EYS: variants seen among roughly 807,000 people sequenced by gnomAD.
EYS encodes the protein EGF-like photoreceptor maintenance factor.
EYS carries 250 observed loss-of-function variants against 282.1 expected under a neutral mutation model. The ratio of observed to expected loss-of-function variants is 0.89; its 90% CI spans 0.80 to 0.98. The LOEUF (loss-of-function observed/expected upper bound fraction) is 0.98, where lower values mean the gene tolerates loss of function less well. Ranked by LOEUF, EYS falls within the 50% of genes least tolerant of loss-of-function variation. EYS has a pLI of 0.00. For missense variants in EYS, 4,016 were observed against 3,709.0 expected (o/e 1.08, Z -2.15); for synonymous variants, 1,355 against 1,282.9 (o/e 1.06, Z -1.20).
chr6:65,427,757 T>G (rs1767717135), intron 5 of EYS, among the ~76,000 whole-genome samples: 2 of 152,026 alleles, frequency 1.3e-5, no homozygotes, highest in Admixed American at 6.6e-5. Context: ...GCAAAAGAAA[T>G]TCATACAGAT....
In EYS at chr6:64,821,393, G is replaced by A. The variant is rs192875747; in HGVS notation, c.3243+252C>T. 4.9e-4 allele frequency among the ~76,000 whole-genome samples: 74 copies of A among 151,950 alleles called. No homozygotes were observed. In the East Asian group the frequency reaches 0.012, roughly 24 times the overall value. On this transcript the variant is annotated intron_variant, in intron 21 of 42. Coordinates refer to ENST00000503581, the MANE Select transcript of EYS (RefSeq NM_001142800.2). ...CTTCTAGGATTTAGTTTGGTGGGGC[G>A]GTCGGCGGGAGGGAGGAGAATCGTG... is the stretch of plus-strand genomic sequence containing the variant.
At chr6:65,583,874 T>C (rs967741732) in intron 2 of EYS, among the ~76,000 whole-genome samples, 2 of 152,078 alleles carry the variant, frequency 1.3e-5, no homozygotes, top group Non-Finnish European at 2.9e-5. Flanking sequence ...AATGTTAATA[T>C]GTTCATATTA....
At chr6:65,350,014 G>A (rs1770540486) in intron 9 of EYS, among the ~76,000 whole-genome samples, 1 of 151,248 alleles carries the variant, frequency 6.6e-6, no homozygotes, top group Non-Finnish European at 1.5e-5. Context: ...GTTTATTAAA[G>A]TTGTTTATTT....
chr6:64,014,907 A>C (rs573813754), intron 33 of EYS, among the ~76,000 whole-genome samples: 1 of 152,280 alleles, frequency 6.6e-6, no homozygotes, highest in South Asian at 2.1e-4. Context: ...AGAACAGTTA[A>C]AACCTTACCC....
At chr6:65,548,103 T>C (rs529667553) in intron 2 of EYS, among the ~76,000 whole-genome samples, 1 of 152,342 alleles carries the variant, frequency 6.6e-6, no homozygotes, top group East Asian at 1.9e-4. Flanking sequence ...AGTTTATTCT[T>C]AAATTATAAA....
At chr6:64,760,156 A>C (rs373494545) in intron 22 of EYS, among the ~76,000 whole-genome samples, 5 of 152,104 alleles carry the variant, frequency 3.3e-5, no homozygotes, top group Admixed American at 3.3e-4. Flanking sequence ...CTGTCTTCTC[A>C]CCCCAAATAG....
rs571836962 is a variant in EYS, at chr6:64,870,343, A to T, written c.2992+16354T>A. ...TTACTTGAGAAGAAGTTTACAACTT[A>T]GGGTGATCCTTGATACAGAGTCAGC... On this transcript the variant is annotated intron_variant, in intron 19 of 42. Transcript: ENST00000503581. 5.0e-4 allele frequency among the ~76,000 whole-genome samples: 76 copies of T among 151,604 alleles called. 1 individual carries two copies. The highest frequency in any genetic ancestry group is 1.8e-3 in the African/African-American group (73 of 41,454).
intron 2 of EYS, among the ~76,000 whole-genome samples, chr6:65,602,688 A>C (rs1317489238): frequency 6.6e-6 from 1 of 151,992 alleles, no homozygotes; most frequent in African/African-American, 2.4e-5. Context: ...GTTTGTGGTT[A>C]AGCAGGCAGT....
chr6:65,014,331 T>C (rs1266360519), intron 13 of EYS, among the ~76,000 whole-genome samples: 1 of 152,206 alleles, frequency 6.6e-6, no homozygotes, highest in Non-Finnish European at 1.5e-5. Flanking sequence ...CATTCACAGA[T>C]TTTTGACTTG....
intron 26 of EYS, among the ~76,000 whole-genome samples, chr6:64,462,557 T>C (rs1445096486): frequency 6.6e-6 from 1 of 152,108 alleles, no homozygotes; most frequent in African/African-American, 2.4e-5. Flanking sequence ...CTTCTAGTTA[T>C]CTAGTGTCGC....
At chr6:64,820,549 A>G (rs758168302) in intron 21 of EYS, among the ~76,000 whole-genome samples, 1 of 152,176 alleles carries the variant, frequency 6.6e-6, no homozygotes, top group Non-Finnish European at 1.5e-5. Context: ...TTCACTATCC[A>G]GAACAAAATA....
intron 12 of EYS, among the ~76,000 whole-genome samples, chr6:65,153,915 CATT>C (rs1764676185): frequency 6.6e-6 from 1 of 151,870 alleles, no homozygotes; most frequent in East Asian, 2.0e-4. Flanking sequence ...TTAATAGATA[CATT>C]ATTATCATCT....
intron 16 of EYS, among the ~76,000 whole-genome samples, chr6:64,903,616 T>A (rs938514746): frequency 1.3e-5 from 2 of 152,196 alleles, no homozygotes; most frequent in Admixed American, 6.6e-5. Context: ...GCGAGTGATA[T>A]AGCACAGCTT....
Position 64,519,233 on chromosome 6 carries a change from G to A in EYS, c.5644+70990C>T, listed in dbSNP as rs559762266. ...TTTAGAAGAGTAGAAAAGACCAGGA[G>A]AACGGCACCTGCGAGGGATTATGAG... is the stretch of plus-strand genomic sequence containing the variant. On this transcript the variant is annotated intron_variant, in intron 26 of 42. Coordinates refer to ENST00000503581, the MANE Select transcript of EYS (RefSeq NM_001142800.2). 4.6e-5 allele frequency among the ~76,000 whole-genome samples: 7 copies of A among 151,710 alleles called. No homozygotes were observed. In the East Asian group the frequency reaches 1.4e-3, roughly 30 times the overall value.
intron 29 of EYS, among the ~76,000 whole-genome samples, chr6:64,337,899 T>C (rs1770915544): frequency 6.6e-6 from 1 of 152,048 alleles, no homozygotes; most frequent in African/African-American, 2.4e-5. Context: ...TCTCAATAGA[T>C]GCAGAGAAAG....
chr6:65,582,261 C>T (rs1196402909), intron 2 of EYS, among the ~76,000 whole-genome samples: 1 of 151,420 alleles, frequency 6.6e-6, no homozygotes, highest in Admixed American at 6.6e-5. Flanking sequence ...TGATCTTTTA[C>T]CAGTGTTTTG....
chr6:64,986,305 T>C (rs1232556427), intron 14 of EYS, among the ~76,000 whole-genome samples: 2 of 151,680 alleles, frequency 1.3e-5, no homozygotes, highest in East Asian at 3.9e-4. Flanking sequence ...TTTCATCTAA[T>C]GTAGCAAATA....
intron 18 of EYS, among the ~76,000 whole-genome samples, chr6:64,891,265 T>A (rs1361393141): frequency 6.6e-6 from 1 of 152,074 alleles, no homozygotes; most frequent in Non-Finnish European, 1.5e-5. Flanking sequence ...CTAAACAATA[T>A]GAGGGCAAAT....
At chr6:64,818,357 G>T (rs1764801553) in intron 21 of EYS, among the ~76,000 whole-genome samples, 1 of 151,822 alleles carries the variant, frequency 6.6e-6, no homozygotes, top group Non-Finnish European at 1.5e-5. Flanking sequence ...ATTGTCACTT[G>T]GACAAAAAAC....
Sources: allele counts gnomAD v4.1 joint callset (sites outside exome capture counted in the v4.1 genomes callset), GRCh38; gene constraint gnomAD v4.1.1; transcripts MANE v1.5; gene names NCBI Gene and HGNC (gene_info 2026-07-23, HGNC 2026-07-21).